Variants in UACA observed in about 807,000 individuals in gnomAD.
UACA encodes uveal autoantigen with coiled-coil domains and ankyrin repeats.
In UACA, 112 loss-of-function variants were observed where a neutral mutation model predicts 160.5. The observed-to-expected ratio is 0.70, with a 90% CI of 0.60 to 0.82. The LOEUF is 0.82. Among genes scored for constraint, UACA ranks in the 40% least tolerant of loss-of-function variants. UACA has a pLI of 0.00. For missense variants in UACA, 1,574 were observed against 1,614.6 expected (o/e 0.97, Z 0.43); for synonymous variants, 557 against 568.4 (o/e 0.98, Z 0.29).
chr15:70,717,631 T>C (rs1473371464), intron 1 of UACA, among the ~76,000 whole-genome samples: 2 of 152,210 alleles, frequency 1.3e-5, no homozygotes, highest in African/African-American at 4.8e-5. Flanking sequence ...CTAATCTGCA[T>C]GCTGCCTTCT....
rs543825538 is a variant in UACA, at chr15:70,752,653, A to T, written c.78+10677T>A. On this transcript the variant is annotated intron_variant, in intron 1 of 18. Coordinates refer to ENST00000322954, the MANE Select transcript of UACA (RefSeq NM_018003.4). ...CAAGAGTCAATGAGATTTTTTTTTTAAAATGATTTGTGCATCTGCAAGGGA... is the reference window on the plus strand; with the variant it reads ...CAAGAGTCAATGAGATTTTTTTTTTTAAATGATTTGTGCATCTGCAAGGGA... 2.5e-3 allele frequency among the ~76,000 whole-genome samples: 386 copies of T among 151,870 alleles called. 1 individual carries two copies. Among genetic ancestry groups the T allele is most frequent in the African/African-American group, 8.3e-3 (345 of 41,410 alleles).
chr15:70,728,256 T>C (rs1368076455), intron 1 of UACA, among the ~76,000 whole-genome samples: 3 of 152,004 alleles, frequency 2.0e-5, no homozygotes, highest in Admixed American at 1.3e-4. Flanking sequence ...AAATGTAAGA[T>C]CTAAAACTAT....
chr15:70,718,324 A>ATGTATGTGTGTGTGTG lies in UACA; in HGVS notation c.79-18665_79-18664insCACACACACACATACA, dbSNP rs1491091552. 1.5e-4 allele frequency among the ~76,000 whole-genome samples: 9 copies of ATGTATGTGTGTGTGTG among 60,228 alleles called. No homozygotes were observed. The Admixed American group carries it at 1.5e-3, about 10-fold the overall frequency. The allele number at this position is 60,228 out of a possible 152,430, so 39.5% of individuals were successfully genotyped here. A position where few individuals can be genotyped will look rare whatever the true frequency, so the allele number is the denominator to read the frequency against. On this transcript the variant is annotated intron_variant, in intron 1 of 18. Transcript: ENST00000322954. ...AGAGGGAGAGGGAGAGAGAGAGAGA[A>ATGTATGTGTGTGTGTG]TGTGTGTGTGTGTGTGTGTGTGTGT...
In UACA at chr15:70,699,528, C is replaced by T. The variant is rs1244928153; in HGVS notation, c.211G>A (p.Val71Ile). The change falls in exon 2 of 19, where the codon GTC becomes ATC. Residue 71 changes from valine (V) to isoleucine (I), a missense_variant and splice_region_variant. Transcript: ENST00000322954. ...PGKLDVEGRS[V>I]FHVVTSKGNL... is the part of the protein sequence containing the mutation. The stretch of plus-strand genomic sequence containing the variant: ...GCTTTTATCATCAATAATACTTACA[C>T]AGATCTGCCTTCCACATCTAGTTTG... 3 of 1,611,418 alleles carry T rather than the reference C, an allele frequency of 1.9e-6. No individual in the cohort carries two copies. Among genetic ancestry groups the T allele is most frequent in the Non-Finnish European group, 2.5e-6 (3 of 1,179,180 alleles).
intron 1 of UACA, among the ~76,000 whole-genome samples, chr15:70,723,849 G>T (rs1899066764): frequency 6.6e-6 from 1 of 152,000 alleles, no homozygotes; most frequent in Non-Finnish European, 1.5e-5. Context: ...GGCCAGGATG[G>T]TCTCGATCTC....
rs571601563 is a variant in UACA at position 70,752,321 on chromosome 15, A to C, written c.78+11009T>G. On this transcript the variant is annotated intron_variant, in intron 1 of 18. Coordinates refer to ENST00000322954, the MANE Select transcript of UACA (RefSeq NM_018003.4). ...TCTTATACACAGCTGAAAAGATCAG[A>C]GTGTACTGGCTTTACTACAACCACA... is the stretch of plus-strand genomic sequence containing the variant. 5.9e-5 allele frequency among the ~76,000 whole-genome samples: 9 copies of C among 151,982 alleles called. No homozygotes were observed. In the South Asian group the frequency reaches 6.2e-4, roughly 11 times the overall value.
intron 1 of UACA, among the ~76,000 whole-genome samples, chr15:70,737,497 A>C (rs1395905567): frequency 2.6e-5 from 4 of 152,188 alleles, no homozygotes; most frequent in Admixed American, 2.0e-4. Flanking sequence ...ACCTGAGGTC[A>C]GGAGTTCAAG....
intron 1 of UACA, among the ~76,000 whole-genome samples, chr15:70,721,609 A>C (rs961651469): frequency 6.6e-6 from 1 of 151,282 alleles, no homozygotes; most frequent in Admixed American, 6.6e-5. Context: ...CCTGGGCAAC[A>C]GAGCGAGACT....
At chr15:70,727,301 C>T (rs1321176226) in intron 1 of UACA, among the ~76,000 whole-genome samples, 1 of 152,114 alleles carries the variant, frequency 6.6e-6, no homozygotes, top group African/African-American at 2.4e-5. Context: ...ATAATTAATG[C>T]ATGTTTCCAA....
At chr15:70,711,433 G>T (rs973677031) in intron 1 of UACA, among the ~76,000 whole-genome samples, 1 of 151,502 alleles carries the variant, frequency 6.6e-6, no homozygotes, top group African/African-American at 2.4e-5. Flanking sequence ...AGGCCAAGGC[G>T]GGCAGATCAC....
At chr15:70,712,351 T>A (rs1291910111) in intron 1 of UACA, among the ~76,000 whole-genome samples, 1 of 152,158 alleles carries the variant, frequency 6.6e-6, no homozygotes, top group African/African-American at 2.4e-5. Flanking sequence ...AAAATTACCC[T>A]ATTCCAAGTT....
chr15:70,757,975 A>C (rs1324584298), intron 1 of UACA, among the ~76,000 whole-genome samples: 8 of 152,252 alleles, frequency 5.3e-5, no homozygotes, highest in Admixed American at 5.2e-4. Context: ...TATGTGTTCC[A>C]TAAATGTTTT....
At chr15:70,679,841 G>A (rs1435899527) in intron 9 of UACA, 165 bp from the exon 10 acceptor site, 2 of 410,674 alleles carry the variant, frequency 4.9e-6, no homozygotes, top group Admixed American at 4.5e-5. Flanking sequence ...AAAATGGAAA[G>A]GACCTTTAAG....
chr15:70,762,468 C>T (rs1481424687), intron 1 of UACA, among the ~76,000 whole-genome samples: 1 of 152,148 alleles, frequency 6.6e-6, no homozygotes, highest in Non-Finnish European at 1.5e-5. Flanking sequence ...ATGATATCGC[C>T]ATTCTTGTAA....
At chr15:70,756,662 CA>C (rs911743197) in intron 1 of UACA, among the ~76,000 whole-genome samples, 2 of 152,122 alleles carry the variant, frequency 1.3e-5, no homozygotes, top group Admixed American at 1.3e-4. Flanking sequence ...CACCTGAGGT[CA>C]GGAGTTCAAC....
chr15:70,725,489 T>C (rs1047832396), intron 1 of UACA, among the ~76,000 whole-genome samples: 10 of 152,178 alleles, frequency 6.6e-5, no homozygotes, highest in Admixed American at 2.0e-4. Context: ...AAGGGAACAT[T>C]TGCCATCAAT....
the UACA span, among the ~76,000 whole-genome samples, chr15:70,774,346 A>G: frequency 6.6e-6 from 1 of 152,024 alleles, no homozygotes; most frequent in South Asian, 2.1e-4. Context: ...GGCGATCGAG[A>G]CCATCCTGGC....
At chr15:70,676,708 C>T (rs2140921572) in intron 12 of UACA, 117 bp from the exon 13 acceptor site, 1 of 751,226 alleles carries the variant, frequency 1.3e-6, no homozygotes, top group East Asian at 2.7e-5. Flanking sequence ...ATGAATTCTC[C>T]AACCTGGTGA....
At chr15:70,763,278 G>C in intron 1 of UACA, 52 bp downstream of exon 1, 1 of 1,309,760 alleles carries the variant, frequency 7.6e-7, no homozygotes, top group Non-Finnish European at 9.8e-7. Context: ...GCAAAGGAGG[G>C]CTGCGCTGCT....
Sources: gnomAD v4.1 joint callset for allele counts (sites outside exome capture counted in the v4.1 genomes callset) on GRCh38, gnomAD v4.1.1 for gene constraint, MANE v1.5 for transcripts, NCBI Gene and HGNC (gene_info 2026-07-23, HGNC 2026-07-21) for gene names.